The following MYOZ3 variants were observed in gnomAD, a reference collection of about 807,000 sequenced individuals.
The protein encoded by MYOZ3 is myozenin 3.
In MYOZ3, 19 loss-of-function variants were observed where a neutral mutation model predicts 26.5. That is an observed-to-expected ratio of 0.72 (90% CI 0.50 to 1.05). MYOZ3 has a LOEUF of 1.05. Ranked by LOEUF, MYOZ3 falls within the 50% of genes least tolerant of loss-of-function variation. The pLI, the probability that MYOZ3 is intolerant of heterozygous loss-of-function variation, is 0.00. For missense variants in MYOZ3, 322 were observed against 337.1 expected, an observed-to-expected ratio of 0.96 and a Z score of 0.35; for synonymous variants, 135 against 138.8, an observed-to-expected ratio of 0.97 and a Z score of 0.19.
At chr5:150,666,846 C>A (rs947043797) in intron 2 of MYOZ3, among the ~76,000 whole-genome samples, 1 of 151,604 alleles carries the variant, frequency 6.6e-6, no homozygotes, top group Admixed American at 6.6e-5. Flanking sequence ...TTGCAAACTT[C>A]ACCTCCACCT....
chr5:150,664,835 TA>T (rs1200728406), intron 2 of MYOZ3, among the ~76,000 whole-genome samples: 2 of 152,298 alleles, frequency 1.3e-5, no homozygotes, highest in African/African-American at 2.4e-5. Context: ...TGGCATACAT[TA>T]AAAAAATTTG....
chr5:150,671,581 AC>A lies in MYOZ3; in HGVS notation c.217-11del, dbSNP rs754010517. The A allele has an allele frequency of 6.0e-5, 96 of 1,611,716 alleles. No individual in the cohort carries two copies. The highest frequency in any genetic ancestry group is 1.7e-4 in the Admixed American group (10 of 59,814). On this transcript the variant is annotated splice_polypyrimidine_tract_variant and intron_variant, in intron 3 of 6. Transcript: ENST00000517768. ...GCTGAGCTTCTCTGCGGTTTATTCT[AC>A]CCCCTCGTTCCCAGATGCTGGCCGG... is the stretch of plus-strand genomic sequence containing the variant.
intron 2 of MYOZ3, among the ~76,000 whole-genome samples, chr5:150,665,012 C>A (rs1271552819): frequency 1.4e-5 from 2 of 141,360 alleles, no homozygotes; most frequent in Non-Finnish European, 3.0e-5. Flanking sequence ...ATGCTATGTT[C>A]TTTGGCTTTT....
At chr5:150,672,207 C>A in intron 5 of MYOZ3, 133 bp from the exon 6 acceptor site, 1 of 1,358,490 alleles carries the variant, frequency 7.4e-7, no homozygotes, top group Non-Finnish European at 1.0e-6. Flanking sequence ...TGTGGCTTCC[C>A]ATTCCCGCCG....
intron 2 of MYOZ3, among the ~76,000 whole-genome samples, chr5:150,664,221 T>C (rs1430565707): frequency 1.3e-5 from 2 of 152,150 alleles, no homozygotes; most frequent in Non-Finnish European, 2.9e-5. Flanking sequence ...TTTTAACCTA[T>C]TTTGTGTGCT....
intron 6 of MYOZ3, among the ~76,000 whole-genome samples, chr5:150,675,840 C>A (rs1458445395): frequency 2.0e-5 from 3 of 152,170 alleles, no homozygotes; most frequent in African/African-American, 7.2e-5. Context: ...GGTGAAGATG[C>A]GGGGTGACAT....
chr5:150,677,010 C>A lies in MYOZ3; in HGVS notation c.*135C>A. ...GATTGCAAATGGCTTCAGAGGTCACCAAGTTCAGTCGTCCCAAAACATGGG... is the reference window on the plus strand; with the variant it reads ...GATTGCAAATGGCTTCAGAGGTCACAAAGTTCAGTCGTCCCAAAACATGGG... On this transcript the variant is annotated 3_prime_UTR_variant, in exon 7 of 7. Transcript: ENST00000517768. 1.2e-6 allele frequency: 1 copy of A among 815,744 alleles called. No individual in the cohort carries two copies. The highest frequency in any genetic ancestry group is 1.9e-6 in the Non-Finnish European group (1 of 527,850). 50.5% of individuals were successfully genotyped at this position (815,744 alleles called of 1,614,324 possible).
At chr5:150,675,577 G>A (rs1328459417) in intron 6 of MYOZ3, among the ~76,000 whole-genome samples, 1 of 152,016 alleles carries the variant, frequency 6.6e-6, no homozygotes, top group African/African-American at 2.4e-5. Flanking sequence ...TTCACCATGT[G>A]GGCCAGGCTG....
chr5:150,672,225 C>G, intron 5 of MYOZ3, 115 bp from the exon 6 acceptor site: 6 of 1,465,366 alleles, frequency 4.1e-6, no homozygotes, highest in Non-Finnish European at 5.6e-6. Flanking sequence ...CCGTCCTCTC[C>G]CCTAACTCCG....
chr5:150,675,992 C>T (rs1241041859), intron 6 of MYOZ3, among the ~76,000 whole-genome samples: 1 of 152,228 alleles, frequency 6.6e-6, no homozygotes, highest in Non-Finnish European at 1.5e-5. Context: ...ATTATTTCAT[C>T]GTGCCAGTGT....
Position 150,671,289 on chromosome 5 carries a change from C to T in MYOZ3, c.217-308C>T, listed in dbSNP as rs573879383. 3.2e-3 allele frequency: 1,348 copies of T among 424,216 alleles called. 1 individual carries two copies. The highest frequency in any genetic ancestry group is 5.0e-3 in the Admixed American group (124 of 24,774). 26.3% of individuals were successfully genotyped at this position (424,216 alleles called of 1,614,324 possible). On this transcript the variant is annotated intron_variant, in intron 3 of 6. Transcript: ENST00000517768. ...CACTTTGCAGGTATCTCATTTAATG[C>T]TCATAGACCCCTCTGAGGAAGAGAT...
In MYOZ3 at chr5:150,677,216, G is replaced by A. The variant is rs1759025884; in HGVS notation, c.*341G>A. 5.4e-6 allele frequency: 1 copy of A among 185,594 alleles called. No individual in the cohort carries two copies. The highest frequency in any genetic ancestry group is 2.3e-5 in the African/African-American group (1 of 42,858). 11.5% of individuals were successfully genotyped at this position (185,594 alleles called of 1,614,324 possible). A position where few individuals can be genotyped will look rare whatever the true frequency, so the allele number is the denominator to read the frequency against. Reference sequence around the variant, plus strand: ...GGAGGCCGAGGCAGGAGGATCACCTGAGGTCAGGAGTTTGAGACCAGTCTG... The same window carrying A: ...GGAGGCCGAGGCAGGAGGATCACCTAAGGTCAGGAGTTTGAGACCAGTCTG... On this transcript the variant is annotated 3_prime_UTR_variant, in exon 7 of 7. Transcript: ENST00000517768.
At chr5:150,674,455 A>T (rs1369983180) in intron 6 of MYOZ3, among the ~76,000 whole-genome samples, 1 of 152,248 alleles carries the variant, frequency 6.6e-6, no homozygotes, top group African/African-American at 2.4e-5. Context: ...AGATGTGCTC[A>T]GCTTCCAGGG....
At chr5:150,672,029 C>T (rs1322649975) in intron 5 of MYOZ3, 121 bp downstream of exon 5, 21 of 1,347,040 alleles carry the variant, frequency 1.6e-5, no homozygotes, top group Non-Finnish European at 2.1e-5. Flanking sequence ...CACACACGCG[C>T]ACGCGCGCAC....
In MYOZ3 at chr5:150,671,621, A is replaced by G. The variant is rs1758911237; in HGVS notation, c.241A>G (p.Lys81Glu). The G allele has an allele frequency of 6.2e-7, 1 of 1,613,634 alleles. No homozygotes were observed. The highest frequency in any genetic ancestry group is 1.7e-5 in the Admixed American group (1 of 59,984). The change falls in exon 4 of 7, where the codon AAG (lysine) becomes GAG (glutamate). Residue 81 changes from lysine to glutamate, a missense_variant. Coordinates refer to ENST00000517768, the MANE Select transcript of MYOZ3 (RefSeq NM_001122853.3). ...RAMLAGSARR[K>E]VTGTAESGTV... ...GATGCTGGCCGGAAGCGCCAGGAGG[A>G]AGGTGACTGGAACAGCGGAGTCGGG...
At chr5:150,672,707 G>A (rs1758943840) in intron 6 of MYOZ3, 1 of 576,418 alleles carries the variant, frequency 1.7e-6, no homozygotes, top group Admixed American at 3.6e-5. Flanking sequence ...GAAGAGTGAA[G>A]GTGCCGCACA....
chr5:150,667,411 A>G (rs1424763914), intron 2 of MYOZ3, among the ~76,000 whole-genome samples: 2 of 152,064 alleles, frequency 1.3e-5, no homozygotes, highest in Admixed American at 1.3e-4. Context: ...ACATCTGTCT[A>G]CTTGCTTGCA....
At chr5:150,676,684 C>T in intron 6 of MYOZ3, 23 bp from the exon 7 acceptor site, 1 of 1,609,600 alleles carries the variant, frequency 6.2e-7, no homozygotes, top group Non-Finnish European at 8.5e-7. Flanking sequence ...CAGCCCACCT[C>T]TCCTGCTGCT....
chr5:150,674,998 A>G (rs1758980661), intron 6 of MYOZ3, among the ~76,000 whole-genome samples: 1 of 152,210 alleles, frequency 6.6e-6, no homozygotes, highest in Non-Finnish European at 1.5e-5. Flanking sequence ...TGACAGAGCA[A>G]GACCCTGTCT....
Sources: allele counts gnomAD v4.1 joint callset (sites outside exome capture counted in the v4.1 genomes callset), GRCh38; gene constraint gnomAD v4.1.1; transcripts MANE v1.5; gene names NCBI Gene and HGNC (gene_info 2026-07-23, HGNC 2026-07-21).